CIITA: variants seen among roughly 807,000 people sequenced by gnomAD.
CIITA encodes class II major histocompatibility complex transactivator.
CIITA carries 72 observed loss-of-function variants against 115.1 expected under a neutral mutation model. That is an observed-to-expected ratio of 0.63 (90% CI 0.52 to 0.76). The LOEUF (loss-of-function observed/expected upper bound fraction) is 0.76, where lower values mean the gene tolerates loss of function less well. Ranked by LOEUF, CIITA falls within the 30% of genes least tolerant of loss-of-function variation. CIITA has a pLI of 0.00. For missense variants in CIITA, 1,617 were observed against 1,463.8 expected, an observed-to-expected ratio of 1.10 and a Z score of -1.71; for synonymous variants, 763 against 635.6, an observed-to-expected ratio of 1.20 and a Z score of -3.02.
chr16:10,886,064 T>TC (rs1368867362), intron 1 of CIITA, among the ~76,000 whole-genome samples: 1 of 151,044 alleles, frequency 6.6e-6, no homozygotes, highest in Non-Finnish European at 1.5e-5. Flanking sequence ...TGCCTTTTTT[T>TC]TTTTTTTTTA....
intron 18 of CIITA, 122 bp downstream of exon 18, chr16:10,922,612 C>T: frequency 1.1e-6 from 1 of 933,360 alleles, no homozygotes; most frequent in Non-Finnish European, 1.7e-6. Flanking sequence ...GGTGAGCAGA[C>T]ACTTCCCCCT....
chr16:10,905,372 C>T (rs2039066111), intron 10 of CIITA, among the ~76,000 whole-genome samples: 1 of 152,136 alleles, frequency 6.6e-6, no homozygotes. Flanking sequence ...CACGTGGGCT[C>T]CACTGTCTTA....
chr16:10,929,067 C>T lies in CIITA; in HGVS notation c.*5212C>T, dbSNP rs750242089. On this transcript the variant is annotated 3_prime_UTR_variant, in exon 20 of 20. Transcript: ENST00000324288. The surrounding 1 kb of genome is among the most constrained non-coding windows in gnomAD (Gnocchi z 4.3). ...TCTGTTTTGCCAACTTGCTGAAGAACGAGTAACCTGAAATGAAGGAGCGAG... is the reference window on the plus strand; with the variant it reads ...TCTGTTTTGCCAACTTGCTGAAGAATGAGTAACCTGAAATGAAGGAGCGAG... The T allele has an allele frequency of 5.0e-5, 17 of 337,104 alleles. No homozygotes were observed. The highest frequency in any genetic ancestry group is 6.5e-5 in the Admixed American group (1 of 15,494). The allele number at this position is 337,104 out of a possible 1,614,324, so 20.9% of individuals were successfully genotyped here. A position where few individuals can be genotyped will look rare whatever the true frequency, so the allele number is the denominator to read the frequency against.
chr16:10,870,622 G>A (rs920715775), intron 1 of CIITA, among the ~76,000 whole-genome samples: 4 of 152,208 alleles, frequency 2.6e-5, no homozygotes, highest in African/African-American at 9.7e-5. Context: ...CTGGACAGCT[G>A]GACAGCTCTG....
At position 10,907,190 on chromosome 16, in the gene CIITA, G is replaced by C; in HGVS notation, c.1698G>C (p.Leu566=). ...SLSKADALFE[L]SGFSMEQAQA... ...GCAAGGCCGACGCCCTATTTGAGCT[G>C]TCCGGCTTCTCCATGGAGCAGGCCC... The change falls in exon 11 of 20, where the codon CTG becomes CTC. Residue 566 remains leucine (L), a synonymous_variant. Transcript: ENST00000324288. The surrounding 1 kb of genome is among the most constrained non-coding windows in gnomAD (Gnocchi z 5.0). The C allele has an allele frequency of 1.9e-6, 3 of 1,613,380 alleles. No individual in the cohort carries two copies. The highest frequency in any genetic ancestry group is 2.5e-6 in the Non-Finnish European group (3 of 1,179,946).
Position 10,941,794 on chromosome 16 carries a change from C to T in CIITA, n.920C>T, listed in dbSNP as rs778838339. The T allele has an allele frequency of 1.2e-6, 2 of 1,613,656 alleles. No homozygotes were observed. The highest frequency in any genetic ancestry group is 1.1e-5 in the South Asian group (1 of 91,068). Reference sequence around the variant, plus strand: ...GCCCGAGCCGGGGTCGGAGAGCACGCCGAGGTCCACGAGCGCCTGGTCCAT... The same window carrying T: ...GCCCGAGCCGGGGTCGGAGAGCACGTCGAGGTCCACGAGCGCCTGGTCCAT... On this transcript the variant is annotated non_coding_transcript_exon_variant, in exon 2 of 2. Transcript: ENST00000573379. This position sits in a 1 kb window ranked among gnomAD's most constrained non-coding sequence, Gnocchi z 6.4.
At position 10,942,341 on chromosome 16, in the gene CIITA, C is replaced by T. The variant is rs914031706; in HGVS notation, n.1467C>T. 6 of 246,872 alleles carry T rather than the reference C, an allele frequency of 2.4e-5. No individual in the cohort carries two copies. Among genetic ancestry groups the T allele is most frequent in the African/African-American group, 1.2e-4 (5 of 43,020 alleles). The allele number at this position is 246,872 out of a possible 1,614,324, so 15.3% of individuals were successfully genotyped here. A position where few individuals can be genotyped will look rare whatever the true frequency, so the allele number is the denominator to read the frequency against. On this transcript the variant is annotated non_coding_transcript_exon_variant, in exon 2 of 2. Coordinates refer to the CIITA transcript ENST00000573379. The surrounding 1 kb of genome is among the most constrained non-coding windows in gnomAD (Gnocchi z 5.0). ...AGCCGGTGGGGATCCCACCGCGGCT[C>T]AGTGTCTAGGGCCGGTCCCGGCAGC... is the stretch of plus-strand genomic sequence containing the variant.
rs77584513 is a variant in CIITA at position 10,926,455 on chromosome 16, C to T, written c.*2600C>T. ...GCCAGGTTTTTGGTCTGACCCACTG[C>T]TTTTGGTCTGTGTGATGATGAAATG... On this transcript the variant is annotated 3_prime_UTR_variant, in exon 20 of 20. Coordinates refer to ENST00000324288, the MANE Select transcript of CIITA (RefSeq NM_000246.4). 5 of 152,356 alleles carry T rather than the reference C, an allele frequency of 3.3e-5. No homozygotes were observed. The East Asian group carries it at 9.6e-4, about 29-fold the overall frequency. 9.4% of individuals were successfully genotyped at this position (152,356 alleles called of 1,614,324 possible).
Position 10,918,345 on chromosome 16 carries a change from C to G in CIITA, c.3063-95C>G, listed in dbSNP as rs933884516. The G allele has an allele frequency of 1.1e-5, 12 of 1,086,572 alleles. No individual in the cohort carries two copies. In the African/African-American group the frequency reaches 1.9e-4, roughly 17 times the overall value. The allele number at this position is 1,086,572 out of a possible 1,614,324, so 67.3% of individuals were successfully genotyped here. On this transcript the variant is annotated intron_variant, in intron 15 of 19. Coordinates refer to ENST00000324288, the MANE Select transcript of CIITA (RefSeq NM_000246.4). Reference sequence around the variant, plus strand: ...AGAGGTAGCTTAAGTCTGTCGACAGCGCCATTCACAGCCTATGACCCAGAA... The same window carrying G: ...AGAGGTAGCTTAAGTCTGTCGACAGGGCCATTCACAGCCTATGACCCAGAA...
At position 10,930,502 on chromosome 16, in the gene CIITA, C is replaced by A. The variant is rs992506168; in HGVS notation, c.*6647C>A. 1 of 152,120 alleles carries A rather than the reference C, an allele frequency of 6.6e-6. No homozygotes were observed. The highest frequency in any genetic ancestry group is 2.4e-5 in the African/African-American group (1 of 41,408). 9.4% of individuals were successfully genotyped at this position (152,120 alleles called of 1,614,324 possible). ...GGGGGCGGAACTGTTTCCATTGAGA[C>A]CCATGCATCGTATAGGATAAGAAAC... On this transcript the variant is annotated 3_prime_UTR_variant, in exon 20 of 20. Coordinates refer to ENST00000324288, the MANE Select transcript of CIITA (RefSeq NM_000246.4).
chr16:10,895,515 T>G (rs911563009), intron 2 of CIITA, 87 bp downstream of exon 2: 34 of 1,591,772 alleles, frequency 2.1e-5, no homozygotes, highest in Admixed American at 6.9e-5. Context: ...TTCTGGTCCC[T>G]GCCCTCCCGT....
chr16:10,935,398 A>T lies in CIITA; in HGVS notation c.*11543A>T, dbSNP rs1258131662. ...TCTTTTTAACAAAGAATACAGGCCA[A>T]GGCCCTGTGACTTTAGCTGGCTTTG... On this transcript the variant is annotated 3_prime_UTR_variant, in exon 20 of 20. Transcript: ENST00000324288. 6.6e-6 allele frequency: 1 copy of T among 152,260 alleles called. No homozygotes were observed. The highest frequency in any genetic ancestry group is 1.5e-5 in the Non-Finnish European group (1 of 68,044). 9.4% of individuals were successfully genotyped at this position (152,260 alleles called of 1,614,324 possible). A position where few individuals can be genotyped will look rare whatever the true frequency, so the allele number is the denominator to read the frequency against.
rs1464782084 is a variant in CIITA, at chr16:10,901,195, A to G, written c.437-319A>G. Reference sequence around the variant, plus strand: ...CAAAGGTTCAGAGAAGCTGCATTGCAAAGGCACACAGCTAGGAAGCGGTTC... The same window carrying G: ...CAAAGGTTCAGAGAAGCTGCATTGCGAAGGCACACAGCTAGGAAGCGGTTC... On this transcript the variant is annotated intron_variant, in intron 5 of 19. Transcript: ENST00000324288. This position sits in a 1 kb window ranked among gnomAD's most constrained non-coding sequence, Gnocchi z 6.8. 1.3e-5 allele frequency among the ~76,000 whole-genome samples: 2 copies of G among 152,216 alleles called. No homozygotes were observed. Among genetic ancestry groups the G allele is most frequent in the Non-Finnish European group, 2.9e-5 (2 of 68,038 alleles).
At chr16:10,919,503 C>CTTACTTATTTAT (rs144915657) in intron 16 of CIITA, among the ~76,000 whole-genome samples, 169 of 149,320 alleles carry the variant, frequency 1.1e-3, no homozygotes, top group African/African-American at 3.9e-3. Flanking sequence ...GCCCGGCCAA[C>CTTACTTATTTAT]TTATTTATTT....
At chr16:10,908,448 T>C (rs895155886) in intron 11 of CIITA, 21 of 526,010 alleles carry the variant, frequency 4.0e-5, no homozygotes, top group Admixed American at 3.2e-4. Context: ...TGTTTTATTC[T>C]TTCCACCCCC....
chr16:10,926,173 T>C lies in CIITA; in HGVS notation c.*2318T>C, dbSNP rs2040524058. 6.6e-6 allele frequency: 1 copy of C among 152,234 alleles called. No individual in the cohort carries two copies. Among genetic ancestry groups the C allele is most frequent in the African/African-American group, 2.4e-5 (1 of 41,468 alleles). The allele number at this position is 152,234 out of a possible 1,614,324, so 9.4% of individuals were successfully genotyped here. ...GCTCCTCTCCCCAGCAAGTGAGAGCTGGGTGTCAAGAGGGTCTGAGGAATC... is the reference window on the plus strand; with the variant it reads ...GCTCCTCTCCCCAGCAAGTGAGAGCCGGGTGTCAAGAGGGTCTGAGGAATC... On this transcript the variant is annotated 3_prime_UTR_variant, in exon 20 of 20. Transcript: ENST00000324288.
Position 10,916,234 on chromosome 16 carries a change from G to A in CIITA, c.2970-133G>A, listed in dbSNP as rs150748568. 110 of 796,556 alleles carry A rather than the reference G, an allele frequency of 1.4e-4. 1 individual carries two copies. The African/African-American group carries it at 1.6e-3, about 11-fold the overall frequency. 49.3% of individuals were successfully genotyped at this position (796,556 alleles called of 1,614,324 possible). A position where few individuals can be genotyped will look rare whatever the true frequency, so the allele number is the denominator to read the frequency against. On this transcript the variant is annotated intron_variant, in intron 14 of 19. Transcript: ENST00000324288. The stretch of plus-strand genomic sequence containing the variant: ...CGTCTGAAAAGCTCAGGAATGTGCC[G>A]GCTGCCTATGGTGTATTAGAGCTGG...
intron 13 of CIITA, among the ~76,000 whole-genome samples, chr16:10,912,926 C>G (rs992540445): frequency 1.3e-5 from 2 of 152,234 alleles, no homozygotes; most frequent in Non-Finnish European, 2.9e-5. Context: ...GCCCAGGCAC[C>G]CTGTAGACCT....
intron 1 of CIITA, among the ~76,000 whole-genome samples, chr16:10,893,949 A>C (rs534303226): frequency 2.6e-4 from 39 of 151,524 alleles, no homozygotes; most frequent in African/African-American, 9.2e-4. Context: ...ACCCATCAGC[A>C]GTTGTTCCCC....
Sources: allele counts gnomAD v4.1 joint callset (sites outside exome capture counted in the v4.1 genomes callset), GRCh38; gene constraint gnomAD v4.1.1; non-coding constraint Gnocchi (gnomAD v3.1); transcripts MANE v1.5; gene names NCBI Gene and HGNC (gene_info 2026-07-23, HGNC 2026-07-21).